Variants in CSMD1 observed in about 807,000 individuals in gnomAD.
CSMD1 encodes the protein CUB and Sushi multiple domains 1.
In CSMD1, 213 loss-of-function variants were observed where a neutral mutation model predicts 417.5. The ratio of observed to expected loss-of-function variants is 0.51; its 90% CI spans 0.46 to 0.57. The LOEUF (loss-of-function observed/expected upper bound fraction) is 0.57. Among genes scored for constraint, CSMD1 ranks in the 20% least tolerant of loss-of-function variants. CSMD1 has a pLI of 0.00. For synonymous variants in CSMD1, 2,862 were observed against 1,736.8 expected, an observed-to-expected ratio of 1.65 and a Z score of -16.11; for missense variants, 6,923 against 4,529.7, an observed-to-expected ratio of 1.53 and a Z score of -15.17.
At chr8:4,108,760 G>C (rs567160412) in intron 3 of CSMD1, among the ~76,000 whole-genome samples, 2 of 152,190 alleles carry the variant, frequency 1.3e-5, no homozygotes, top group Non-Finnish European at 2.9e-5. Context: ...TTTCTAGGCA[G>C]CTCATTAAGA....
intron 3 of CSMD1, among the ~76,000 whole-genome samples, chr8:4,112,696 G>A (rs1439120786): frequency 2.6e-5 from 4 of 152,060 alleles, no homozygotes; most frequent in African/African-American, 4.8e-5. Context: ...TATATATGAG[G>A]GTTTGCAAGT....
chr8:4,785,594 G>C (rs73661127), intron 1 of CSMD1, among the ~76,000 whole-genome samples: 1 of 152,072 alleles, frequency 6.6e-6, no homozygotes, highest in Admixed American at 6.6e-5. Context: ...GAAGTCATCT[G>C]ACTTCAGGGG....
intron 1 of CSMD1, among the ~76,000 whole-genome samples, chr8:4,842,157 T>C (rs543268185): frequency 3.9e-5 from 6 of 152,260 alleles, no homozygotes; most frequent in African/African-American, 1.4e-4. Context: ...GCAGTATTAT[T>C]GAAAACATAA....
In CSMD1 at chr8:3,824,754, C is replaced by T. The variant is rs1458111535; in HGVS notation, c.819-70712G>A. ...TAGAGAATTAAAATGAGATGTGGCTCACATTGGTGGCTCACAATATATTGG... is the reference window on the plus strand; with the variant it reads ...TAGAGAATTAAAATGAGATGTGGCTTACATTGGTGGCTCACAATATATTGG... On this transcript the variant is annotated intron_variant, in intron 5 of 69. Transcript: ENST00000635120. 2.0e-5 allele frequency among the ~76,000 whole-genome samples: 3 copies of T among 152,172 alleles called. No homozygotes were observed. In the East Asian group the frequency reaches 5.8e-4, roughly 29 times the overall value.
chr8:4,004,372 T>C (rs1563308079), intron 4 of CSMD1, among the ~76,000 whole-genome samples: 1 of 151,834 alleles, frequency 6.6e-6, no homozygotes, highest in Non-Finnish European at 1.5e-5. Flanking sequence ...ATTTAAAACA[T>C]ATTAGAGATG....
In CSMD1 at chr8:4,205,916, G is replaced by A. The variant is rs531343446; in HGVS notation, c.416-173817C>T. ...CAGAAAATCAGTACCGAGTCCTCCT[G>A]CAGCCACGTTTTTCTGACTCCCAAG... is the stretch of plus-strand genomic sequence containing the variant. On this transcript the variant is annotated intron_variant, in intron 3 of 69. Transcript: ENST00000635120. 1.6e-4 allele frequency among the ~76,000 whole-genome samples: 25 copies of A among 152,224 alleles called. No homozygotes were observed. In the South Asian group the frequency reaches 5.2e-3, roughly 32 times the overall value.
intron 2 of CSMD1, among the ~76,000 whole-genome samples, chr8:4,569,103 TTTTGTTTG>T (rs201721761): frequency 1.2e-4 from 18 of 152,150 alleles, no homozygotes; most frequent in African/African-American, 4.1e-4. Context: ...GTGATGATAG[TTTTGTTTG>T]TTTGTTTGTT....
Position 3,419,242 on chromosome 8 carries a change from C to A in CSMD1, c.1562-9637G>T, listed in dbSNP as rs142695687. Among the ~76,000 whole-genome samples, 599 of 152,270 alleles carry A rather than the reference C, an allele frequency of 3.9e-3. 1 individual carries two copies. The highest frequency in any genetic ancestry group is 0.013 in the African/African-American group (556 of 41,572). On this transcript the variant is annotated intron_variant, in intron 12 of 69. Transcript: ENST00000635120. ...ATCCTCACAGAAGGATACTATCAGG[C>A]TTACAATCTGCACCAACCAGATGCT...
intron 10 of CSMD1, among the ~76,000 whole-genome samples, chr8:3,507,440 T>C (rs1246707785): frequency 6.6e-6 from 1 of 152,214 alleles, no homozygotes; most frequent in Non-Finnish European, 1.5e-5. Context: ...GTCTTTGCTA[T>C]TGTGAATAGT....
chr8:3,878,783 A>G (rs1186081789), intron 5 of CSMD1, among the ~76,000 whole-genome samples: 3 of 152,124 alleles, frequency 2.0e-5, no homozygotes, highest in Non-Finnish European at 4.4e-5. Context: ...AGTTTGTGCA[A>G]ACTTTGAGTA....
At chr8:4,129,996 TG>T (rs1802998010) in intron 3 of CSMD1, among the ~76,000 whole-genome samples, 1 of 152,168 alleles carries the variant, frequency 6.6e-6, no homozygotes, top group African/African-American at 2.4e-5. Context: ...ATGTGTTTAT[TG>T]GGAATTTTGC....
At chr8:3,694,083 G>C (rs1366661730) in intron 7 of CSMD1, among the ~76,000 whole-genome samples, 1 of 151,262 alleles carries the variant, frequency 6.6e-6, no homozygotes, top group Non-Finnish European at 1.5e-5. Flanking sequence ...GTGTTGGAGT[G>C]TTATGTGTTG....
intron 60 of CSMD1, 96 bp downstream of exon 60, chr8:2,963,126 G>A: frequency 1.5e-6 from 2 of 1,349,184 alleles, no homozygotes; most frequent in Non-Finnish European, 2.1e-6. Flanking sequence ...TTACCCACCA[G>A]GAAGGTCCTC....
intron 5 of CSMD1, among the ~76,000 whole-genome samples, chr8:3,883,221 A>G (rs1271577753): frequency 1.3e-5 from 2 of 152,204 alleles, no homozygotes; most frequent in East Asian, 1.9e-4. Flanking sequence ...GTGTCCTTGA[A>G]TGATTCATTT....
chr8:4,124,174 A>T (rs1802637356), intron 3 of CSMD1, among the ~76,000 whole-genome samples: 2 of 152,052 alleles, frequency 1.3e-5, no homozygotes, highest in South Asian at 2.1e-4. Context: ...GGCGCAGGGG[A>T]GGAAGTGGGG....
At chr8:4,520,805 T>C (rs1199818162) in intron 2 of CSMD1, among the ~76,000 whole-genome samples, 2 of 152,216 alleles carry the variant, frequency 1.3e-5, no homozygotes, top group African/African-American at 2.4e-5. Flanking sequence ...TGAAATTATA[T>C]TGGAGTGCCC....
chr8:4,089,130 G>C (rs1055490139), intron 3 of CSMD1, among the ~76,000 whole-genome samples: 1 of 152,152 alleles, frequency 6.6e-6, no homozygotes, highest in Non-Finnish European at 1.5e-5. Flanking sequence ...AGGGATTCCA[G>C]TGCTTAACAA....
chr8:4,929,306 G>A (rs1347823048), intron 1 of CSMD1, among the ~76,000 whole-genome samples: 2 of 152,088 alleles, frequency 1.3e-5, no homozygotes, highest in Admixed American at 6.5e-5. Flanking sequence ...CGAACCATGG[G>A]CAACACATTT....
intron 57 of CSMD1, 111 bp downstream of exon 57, chr8:2,973,006 T>C: frequency 9.9e-7 from 1 of 1,012,674 alleles, no homozygotes; most frequent in Non-Finnish European, 1.4e-6. Flanking sequence ...AAGATTTAAT[T>C]GTATAAATAG....
Sources: allele counts gnomAD v4.1 joint callset (sites outside exome capture counted in the v4.1 genomes callset), GRCh38; gene constraint gnomAD v4.1.1; transcripts MANE v1.5; gene names NCBI Gene and HGNC (gene_info 2026-07-23, HGNC 2026-07-21).